The following FGF13 variants were observed in gnomAD, a reference collection of about 807,000 sequenced individuals.
The protein encoded by FGF13 is fibroblast growth factor 13.
FGF13 carries 2 observed loss-of-function variants against 19.5 expected under a neutral mutation model. The observed-to-expected ratio is 0.10, with a 90% CI of 0.04 to 0.32. FGF13 has a LOEUF of 0.32. FGF13 is among the 10% of genes least tolerant of loss of function. FGF13 has a pLI of 1.00. For synonymous variants in FGF13, 72 were observed against 76.9 expected (o/e 0.94, Z 0.33); for missense variants, 113 against 192.7 (o/e 0.59, Z 2.45).
intron 3 of FGF13, among the ~76,000 whole-genome samples, chrX:138,657,958 GA>G (rs1370785629): frequency 9.2e-6 from 1 of 108,389 alleles, no homozygotes; most frequent in East Asian, 3.3e-4. Flanking sequence ...TTTTTAAAGT[GA>G]CTATGTTCAA....
At chrX:139,152,326 C>CAA (rs760903352) in intron 1 of FGF13, among the ~76,000 whole-genome samples, 1 of 80,987 alleles carries the variant, frequency 1.2e-5, no homozygotes, top group Admixed American at 1.3e-4. Context: ...AAAAAAAAAA[C>CAA]AAAAAAAAAA....
intron 1 of FGF13, among the ~76,000 whole-genome samples, chrX:138,951,792 A>C (rs1187759229): frequency 1.8e-5 from 2 of 112,056 alleles, no homozygotes; most frequent in Non-Finnish European, 3.8e-5. Flanking sequence ...GTACCCTGTT[A>C]GGTATAGCCT....
chrX:138,706,529 G>A (rs1268760957), intron 2 of FGF13, among the ~76,000 whole-genome samples: 5 of 111,691 alleles, frequency 4.5e-5, no homozygotes, highest in Admixed American at 2.9e-4. Flanking sequence ...GAGAAAATAT[G>A]CTGAAAATAA....
chrX:138,784,318 TA>T (rs1163693056), intron 3 of FGF13, among the ~76,000 whole-genome samples: 46 of 82,613 alleles, frequency 5.6e-4, no homozygotes, highest in African/African-American at 1.1e-3. Flanking sequence ...AGTATAATAA[TA>T]AAAAAAAAAT....
intron 3 of FGF13, among the ~76,000 whole-genome samples, chrX:138,687,806 A>G (rs2089798285): frequency 8.9e-6 from 1 of 112,021 alleles, no homozygotes; most frequent in African/African-American, 3.2e-5. Flanking sequence ...ACACAATGCA[A>G]TATTATTCAG....
intron 3 of FGF13, among the ~76,000 whole-genome samples, chrX:138,644,821 G>A (rs1309963778): frequency 8.9e-6 from 1 of 112,263 alleles, no homozygotes; most frequent in Non-Finnish European, 1.9e-5. Flanking sequence ...AGGGCAAGGT[G>A]CAAAGGCCTC....
At chrX:138,649,295 G>A (rs184162549) in intron 3 of FGF13, among the ~76,000 whole-genome samples, 1 of 111,634 alleles carries the variant, frequency 9.0e-6, no homozygotes, top group African/African-American at 3.3e-5. Context: ...CTCAACATCA[G>A]GAGGATACAA....
intron 3 of FGF13, among the ~76,000 whole-genome samples, chrX:138,781,784 G>T (rs946288232): frequency 6.3e-5 from 7 of 111,844 alleles, no homozygotes; most frequent in African/African-American, 2.3e-4. Flanking sequence ...TAGAAAAAGA[G>T]GGAATCCTCC....
chrX:139,056,653 G>A (rs1248645303), intron 1 of FGF13, among the ~76,000 whole-genome samples: 1 of 112,281 alleles, frequency 8.9e-6, no homozygotes, highest in Non-Finnish European at 1.9e-5. Context: ...GAGTAATAAT[G>A]TGGGTGTAAA....
intron 3 of FGF13, among the ~76,000 whole-genome samples, chrX:138,835,732 A>C (rs1276851582): frequency 1.8e-5 from 2 of 111,875 alleles, no homozygotes; most frequent in Non-Finnish European, 3.8e-5. Context: ...GTGCTGTATA[A>C]TGTCACTGGG....
chrX:139,092,438 G>A (rs2083444873), intron 1 of FGF13, among the ~76,000 whole-genome samples: 2 of 112,236 alleles, frequency 1.8e-5, no homozygotes, highest in African/African-American at 3.2e-5. Flanking sequence ...AAGTATCGAA[G>A]TGGGATGCAC....
intron 3 of FGF13, among the ~76,000 whole-genome samples, chrX:138,690,307 T>C (rs1475759742): frequency 9.0e-6 from 1 of 111,498 alleles, no homozygotes; most frequent in Non-Finnish European, 1.9e-5. Context: ...GGTGTTAATA[T>C]ATATTGCATG....
At chrX:138,927,674 GC>G (rs2091681076) in intron 1 of FGF13, among the ~76,000 whole-genome samples, 1 of 111,826 alleles carries the variant, frequency 8.9e-6, no homozygotes, top group Non-Finnish European at 1.9e-5. Flanking sequence ...TGCATAGTGT[GC>G]CTGATATGTG....
chrX:139,154,033 T>C (rs1185287486), intron 1 of FGF13, among the ~76,000 whole-genome samples: 2 of 111,713 alleles, frequency 1.8e-5, no homozygotes, highest in African/African-American at 3.3e-5. Flanking sequence ...TTTCAAGGAA[T>C]CAAATTTGTA....
At chrX:138,840,125 T>A (rs1409995332) in intron 3 of FGF13, among the ~76,000 whole-genome samples, 1 of 111,935 alleles carries the variant, frequency 8.9e-6, no homozygotes, top group Non-Finnish European at 1.9e-5. Flanking sequence ...CAAGTTTCTC[T>A]AGTTTCCACT....
At chrX:138,841,114 G>A (rs1041694960) in intron 3 of FGF13, among the ~76,000 whole-genome samples, 1 of 111,261 alleles carries the variant, frequency 9.0e-6, no homozygotes, top group East Asian at 2.8e-4. Flanking sequence ...TGTTGGGTAA[G>A]TTACTTAGCT....
intron 3 of FGF13, among the ~76,000 whole-genome samples, chrX:138,806,192 A>C (rs1359860678): frequency 8.9e-6 from 1 of 111,934 alleles, no homozygotes; most frequent in African/African-American, 3.2e-5. Context: ...CTGCTATATA[A>C]CTTACCTAAT....
In FGF13 at chrX:139,033,027, CAAAAAAAAA is replaced by C. The variant is rs758766077; in HGVS notation, c.-112-168386_-112-168378del. 4.0e-3 allele frequency among the ~76,000 whole-genome samples: 109 copies of C among 27,265 alleles called. 2 individuals are homozygous for C. Among genetic ancestry groups the C allele is most frequent in the African/African-American group, 0.013 (96 of 7,563 alleles). 23.7% of individuals were successfully genotyped at this position (27,265 alleles called of 115,157 possible). A position where few individuals can be genotyped will look rare whatever the true frequency, so the allele number is the denominator to read the frequency against. On this transcript the variant is annotated intron_variant, in intron 1 of 2. Transcript: ENST00000421460. ...ACCAAAGTCAGAATATCTGATTATC[CAAAAAAAAA>C]AAAAAAAAAAAAAAAAAAACTACAG... is the stretch of plus-strand genomic sequence containing the variant.
intron 3 of FGF13, among the ~76,000 whole-genome samples, chrX:138,744,822 T>A: frequency 9.0e-6 from 1 of 111,496 alleles, no homozygotes; most frequent in Non-Finnish European, 1.9e-5. Context: ...TCCAAGGCCA[T>A]CAAAATATGC....
Sources: allele counts gnomAD v4.1 joint callset (sites outside exome capture counted in the v4.1 genomes callset), GRCh38; gene constraint gnomAD v4.1.1; transcripts MANE v1.5; gene names NCBI Gene and HGNC (gene_info 2026-07-23, HGNC 2026-07-21).